The following TCF4 variants were observed in gnomAD, a reference collection of about 807,000 sequenced individuals.
The protein encoded by TCF4 is transcription factor 4, also known as SL3-3 enhancer factor 2.
TCF4 carries 3 observed loss-of-function variants against 82.1 expected under a neutral mutation model. The observed-to-expected ratio is 0.04, with a 90% confidence interval of 0.02 to 0.09. TCF4 has a LOEUF of 0.09. Ranked by LOEUF, TCF4 falls within the 10% of genes least tolerant of loss-of-function variation. The probability of loss-of-function intolerance (pLI) is 1.00; values close to 1 mark genes in which losing one functional copy is unlikely to be tolerated. For missense variants in TCF4, 518 were observed against 852.7 expected (o/e 0.61, Z 4.89); for synonymous variants, 276 against 309.6 (o/e 0.89, Z 1.14).
At chr18:55,621,822 TATA>T (rs2097720638) in intron 2 of TCF4, among the ~76,000 whole-genome samples, 1 of 76,272 alleles carries the variant, frequency 1.3e-5, no homozygotes, top group Non-Finnish European at 2.4e-5. Flanking sequence ...TATTATATTA[TATA>T]ATATATATAC....
intron 10 of TCF4, among the ~76,000 whole-genome samples, chr18:55,272,157 G>C (rs960714805): frequency 6.6e-6 from 1 of 151,976 alleles, no homozygotes; most frequent in African/African-American, 2.4e-5. Context: ...AGAATAAAAA[G>C]AAAAATTAAT....
chr18:55,391,550 A>C (rs997831514), intron 6 of TCF4, among the ~76,000 whole-genome samples: 2 of 152,084 alleles, frequency 1.3e-5, no homozygotes, highest in Non-Finnish European at 2.9e-5. Flanking sequence ...CTGGGAGAAC[A>C]CAGAGTGAGC....
At chr18:55,531,845 A>G (rs1452888541) in intron 3 of TCF4, among the ~76,000 whole-genome samples, 2 of 152,256 alleles carry the variant, frequency 1.3e-5, no homozygotes, top group Non-Finnish European at 1.5e-5. Flanking sequence ...CACTTTGCTT[A>G]GTCTGATAAA....
At chr18:55,525,747 C>G (rs2146594029) in intron 3 of TCF4, among the ~76,000 whole-genome samples, 1 of 151,810 alleles carries the variant, frequency 6.6e-6, no homozygotes, top group South Asian at 2.1e-4. Context: ...GCAAATGACG[C>G]CGATTTACAC....
At chr18:55,360,490 A>T (rs1010260657) in intron 6 of TCF4, among the ~76,000 whole-genome samples, 5 of 152,176 alleles carry the variant, frequency 3.3e-5, no homozygotes, top group Admixed American at 3.3e-4. Flanking sequence ...AATACCTAAA[A>T]ACAATCTTCT....
chr18:55,371,614 A>AGTC (rs1275185610), intron 6 of TCF4, among the ~76,000 whole-genome samples: 4 of 151,732 alleles, frequency 2.6e-5, no homozygotes, highest in Non-Finnish European at 5.9e-5. Context: ...AGAGCACAGC[A>AGTC]GTCAACTCAT....
chr18:55,540,964 T>C (rs971982264), intron 3 of TCF4, among the ~76,000 whole-genome samples: 1 of 152,062 alleles, frequency 6.6e-6, no homozygotes, highest in Non-Finnish European at 1.5e-5. Context: ...AGAATAAGAC[T>C]TCAGCCATTG....
At chr18:55,425,527 A>AG (rs59503204) in intron 5 of TCF4, among the ~76,000 whole-genome samples, 1 of 151,304 alleles carries the variant, frequency 6.6e-6, no homozygotes, top group Admixed American at 6.6e-5. Context: ...AAAAAAAAAA[A>AG]CAGAAAACAT....
At chr18:55,381,107 A>G (rs2091833594) in intron 6 of TCF4, among the ~76,000 whole-genome samples, 1 of 152,156 alleles carries the variant, frequency 6.6e-6, no homozygotes, top group African/African-American at 2.4e-5. Context: ...CTCTCTTCTC[A>G]CCCCATCAGT....
At chr18:55,488,518 T>C (rs1048881251) in intron 3 of TCF4, among the ~76,000 whole-genome samples, 2 of 151,870 alleles carry the variant, frequency 1.3e-5, no homozygotes, top group Non-Finnish European at 2.9e-5. Flanking sequence ...TGAGCTAGGA[T>C]AAAAATTGAA....
chr18:55,380,018 G>A (rs1360099899), intron 6 of TCF4, among the ~76,000 whole-genome samples: 2 of 152,104 alleles, frequency 1.3e-5, no homozygotes. Flanking sequence ...GGACTACAGA[G>A]GTATGTGTCA....
At chr18:55,321,742 C>A in intron 8 of TCF4, 2 of 1,535,962 alleles carry the variant, frequency 1.3e-6, no homozygotes, top group African/African-American at 2.7e-5. Flanking sequence ...AGTACATGGT[C>A]TCGGATTCTT....
chr18:55,429,778 A>AAAAC (rs2095124515), intron 5 of TCF4, among the ~76,000 whole-genome samples: 1 of 150,944 alleles, frequency 6.6e-6, no homozygotes, highest in East Asian at 2.0e-4. Flanking sequence ...AAAAAAAAAA[A>AAAAC]AAAAAAAAAA....
intron 2 of TCF4, among the ~76,000 whole-genome samples, chr18:55,623,352 T>A (rs2097723401): frequency 6.6e-6 from 1 of 152,194 alleles, no homozygotes; most frequent in Admixed American, 6.5e-5. Context: ...AAATAGTTCT[T>A]AAAGCTTTAG....
chr18:55,514,274 T>C (rs1023638357), intron 3 of TCF4, among the ~76,000 whole-genome samples: 1 of 152,172 alleles, frequency 6.6e-6, no homozygotes, highest in Admixed American at 6.5e-5. Context: ...AACAGGACTA[T>C]TGTGGCATCG....
chr18:55,617,521 A>C (rs2097713277), intron 2 of TCF4, among the ~76,000 whole-genome samples: 1 of 152,036 alleles, frequency 6.6e-6, no homozygotes, highest in African/African-American at 2.4e-5. Flanking sequence ...GGTCACTTTG[A>C]GTACTATGAA....
At chr18:55,228,755 G>T in intron 18 of TCF4, 92 bp downstream of exon 18, 2 of 1,291,758 alleles carry the variant, frequency 1.5e-6, no homozygotes, top group Non-Finnish European at 2.2e-6. Context: ...AAAGTCTACT[G>T]TCTGCCACTG....
intron 13 of TCF4, 79 bp downstream of exon 13, chr18:55,259,870 C>A (rs913057851): frequency 1.6e-6 from 2 of 1,257,296 alleles, no homozygotes; most frequent in African/African-American, 1.5e-5. Context: ...TGAGTTTCCA[C>A]CTACAAAATC....
chr18:55,328,171 C>G (rs1341641865), intron 8 of TCF4, among the ~76,000 whole-genome samples: 2 of 152,096 alleles, frequency 1.3e-5, no homozygotes, highest in African/African-American at 2.4e-5. Flanking sequence ...AAATTCACTT[C>G]TTCCTTCCTC....
Sources: gnomAD v4.1 joint callset for allele counts (sites outside exome capture counted in the v4.1 genomes callset) on GRCh38, gnomAD v4.1.1 for gene constraint, MANE v1.5 for transcripts, NCBI Gene and HGNC (gene_info 2026-07-23, HGNC 2026-07-21) for gene names.